The following CFTR variants were observed in gnomAD, a reference collection of about 807,000 sequenced individuals.
CFTR encodes the protein CF transmembrane conductance regulator.
CFTR carries 181 observed loss-of-function variants against 171.6 expected under a neutral mutation model. The ratio of observed to expected loss-of-function variants is 1.05; its 90% CI spans 0.93 to 1.19. The LOEUF (loss-of-function observed/expected upper bound fraction) is 1.19, where lower values mean the gene tolerates loss of function less well. CFTR is among the 50% of genes most tolerant of loss of function. The pLI is 0.00. For missense variants in CFTR, 1,968 were observed against 1,734.7 expected, an observed-to-expected ratio of 1.13 and a Z score of -2.39; for synonymous variants, 583 against 608.0, an observed-to-expected ratio of 0.96 and a Z score of 0.60.
intron 11 of CFTR, among the ~76,000 whole-genome samples, chr7:117,562,503 G>T (rs1791525705): frequency 6.6e-6 from 1 of 152,220 alleles, no homozygotes; most frequent in African/African-American, 2.4e-5. Context: ...GGTTTGAACT[G>T]TGGGCACATT....
chr7:117,550,993 A>G (rs145268163), intron 10 of CFTR, among the ~76,000 whole-genome samples: 79 of 152,334 alleles, frequency 5.2e-4, no homozygotes, highest in Non-Finnish European at 1.0e-3. Flanking sequence ...AAATATTAAC[A>G]TTTTAAGTTA....
At chr7:117,558,696 T>A (rs903537719) in intron 10 of CFTR, among the ~76,000 whole-genome samples, 15 of 152,312 alleles carry the variant, frequency 9.8e-5, no homozygotes, top group Non-Finnish European at 1.3e-4. Flanking sequence ...CTGCTTATGC[T>A]TCTATTACTT....
chr7:117,618,277 T>G (rs1584826087), intron 21 of CFTR, among the ~76,000 whole-genome samples: 1 of 152,064 alleles, frequency 6.6e-6, no homozygotes, highest in South Asian at 2.1e-4. Flanking sequence ...TTACTTGAGG[T>G]CGGGAGTTTG....
At chr7:117,508,593 T>C (rs926419360) in intron 2 of CFTR, among the ~76,000 whole-genome samples, 5 of 152,266 alleles carry the variant, frequency 3.3e-5, no homozygotes, top group Admixed American at 1.3e-4. Context: ...AACTTGTTTT[T>C]GATTTGACAG....
intron 21 of CFTR, among the ~76,000 whole-genome samples, chr7:117,626,074 C>A (rs550213075): frequency 6.6e-6 from 1 of 152,156 alleles, no homozygotes; most frequent in East Asian, 1.9e-4. Context: ...TTTCTTGAAT[C>A]TTGAATAATT....
intron 22 of CFTR, among the ~76,000 whole-genome samples, chr7:117,638,602 G>T (rs1792864808): frequency 1.3e-5 from 2 of 151,930 alleles, no homozygotes; most frequent in African/African-American, 4.8e-5. Context: ...TGGGCATGGT[G>T]GTGGCCATCT....
intron 10 of CFTR, among the ~76,000 whole-genome samples, chr7:117,559,111 C>G (rs1362039189): frequency 1.3e-5 from 2 of 152,172 alleles, no homozygotes; most frequent in African/African-American, 4.8e-5. Context: ...AGTTAAAGCA[C>G]ATAGAACAGC....
intron 9 of CFTR, among the ~76,000 whole-genome samples, chr7:117,548,362 G>GTA (rs1448188519): frequency 6.7e-6 from 1 of 149,534 alleles, no homozygotes; most frequent in African/African-American, 2.5e-5. Flanking sequence ...GTGTGTGTGT[G>GTA]TGTATGTGTA....
In CFTR at chr7:117,667,004, G is replaced by A; in HGVS notation, c.4339G>A (p.Val1447Met). The A allele has an allele frequency of 5.6e-6, 9 of 1,613,922 alleles. No individual in the cohort carries two copies. Among genetic ancestry groups the A allele is most frequent in the East Asian group, 2.2e-5 (1 of 44,828 alleles). The change falls in exon 27 of 27, where the codon GTG (valine) becomes ATG (methionine). Residue 1447 changes from valine (V) to methionine (M), a missense_variant. Val to Met is a conservative substitution (Grantham distance 21). Transcript: ENST00000003084. ...FRQAISPSDRVKLFPHRNSSK... is the reference protein window; with the variant it reads ...FRQAISPSDRMKLFPHRNSSK... ...GCAAGCCATCAGCCCCTCCGACAGG[G>A]TGAAGCTCTTTCCCCACCGGAACTC...
intron 11 of CFTR, chr7:117,564,767 C>G (rs1241418449): frequency 6.0e-6 from 1 of 166,824 alleles, no homozygotes; most frequent in Non-Finnish European, 1.5e-5. Context: ...TAATGATGCT[C>G]AGTGTCATAG....
At chr7:117,585,629 T>A (rs1791918733) in intron 11 of CFTR, among the ~76,000 whole-genome samples, 1 of 152,064 alleles carries the variant, frequency 6.6e-6, no homozygotes. Flanking sequence ...ATTTAAGTGT[T>A]TTTTGTTTGT....
At chr7:117,576,328 A>T (rs1183246172) in intron 11 of CFTR, among the ~76,000 whole-genome samples, 1 of 152,186 alleles carries the variant, frequency 6.6e-6, no homozygotes, top group East Asian at 1.9e-4. Context: ...TTTGCTTGTC[A>T]TTATTCCCTA....
chr7:117,567,189 G>C (rs1584801809), intron 11 of CFTR, among the ~76,000 whole-genome samples: 1 of 151,810 alleles, frequency 6.6e-6, no homozygotes, highest in Non-Finnish European at 1.5e-5. Context: ...TGAGATTCTC[G>C]ACTCTACACT....
intron 23 of CFTR, among the ~76,000 whole-genome samples, chr7:117,649,989 A>G (rs1380307486): frequency 6.6e-6 from 1 of 152,100 alleles, no homozygotes; most frequent in Non-Finnish European, 1.5e-5. Flanking sequence ...GAAGAAGCTG[A>G]GGGAGTGAAA....
intron 2 of CFTR, among the ~76,000 whole-genome samples, chr7:117,506,421 A>G (rs1030637756): frequency 6.6e-6 from 1 of 151,926 alleles, no homozygotes; most frequent in Non-Finnish European, 1.5e-5. Flanking sequence ...TAATTTTTGT[A>G]TTTTAGTAGA....
rs191133458 is a variant in CFTR at position 117,641,069 on chromosome 7, T to C, written c.3718-1369T>C. On this transcript the variant is annotated intron_variant, in intron 22 of 26. Transcript: ENST00000003084. ...TATGAAGAAATTCAACAGAGTATTGTACTTAACATTTGATTGATCTGATTT... is the reference window on the plus strand; with the variant it reads ...TATGAAGAAATTCAACAGAGTATTGCACTTAACATTTGATTGATCTGATTT... Among the ~76,000 whole-genome samples the C allele has an allele frequency of 2.6e-5, 4 of 152,318 alleles. No individual in the cohort carries two copies. The East Asian group carries it at 7.7e-4, about 29-fold the overall frequency.
chr7:117,496,888 T>G (rs1002702975), intron 1 of CFTR, among the ~76,000 whole-genome samples: 5 of 152,174 alleles, frequency 3.3e-5, no homozygotes, highest in African/African-American at 1.2e-4. Context: ...TGAAGTGGTA[T>G]TTCATTGTGA....
At chr7:117,625,873 T>A (rs909990461) in intron 21 of CFTR, among the ~76,000 whole-genome samples, 1 of 152,150 alleles carries the variant, frequency 6.6e-6, no homozygotes, top group Non-Finnish European at 1.5e-5. Flanking sequence ...TGTATTTTAA[T>A]TCAAAGTTAA....
intron 1 of CFTR, among the ~76,000 whole-genome samples, chr7:117,487,308 G>C (rs905255063): frequency 2.0e-5 from 3 of 152,124 alleles, no homozygotes; most frequent in African/African-American, 7.2e-5. Context: ...TGACCTGAGA[G>C]TGTTAGGAAG....
Sources: gnomAD v4.1 joint callset for allele counts (sites outside exome capture counted in the v4.1 genomes callset) on GRCh38, gnomAD v4.1.1 for gene constraint, MANE v1.5 for transcripts, NCBI Gene and HGNC (gene_info 2026-07-23, HGNC 2026-07-21) for gene names.